Variants in KIRREL3 observed in about 807,000 individuals in gnomAD.
KIRREL3 encodes kirre like nephrin family adhesion molecule 3, also known as kin of IRRE-like protein 3.
KIRREL3 carries 36 observed loss-of-function variants against 89.7 expected under a neutral mutation model. The observed-to-expected ratio is 0.40, with a 90% CI of 0.31 to 0.53. KIRREL3 has a LOEUF of 0.53. KIRREL3 is among the 20% of genes least tolerant of loss of function. The pLI is 0.49. For synonymous variants in KIRREL3, 445 were observed against 441.4 expected, an observed-to-expected ratio of 1.01 and a Z score of -0.10; for missense variants, 864 against 1,056.6, an observed-to-expected ratio of 0.82 and a Z score of 2.53.
At chr11:126,838,523 G>T (rs1044149057) in intron 1 of KIRREL3, among the ~76,000 whole-genome samples, 1 of 152,204 alleles carries the variant, frequency 6.6e-6, no homozygotes, top group Non-Finnish European at 1.5e-5. Context: ...AATAGTTAAT[G>T]GGTAAGAGGG....
chr11:126,588,366 A>AT (rs1423085943), intron 1 of KIRREL3, among the ~76,000 whole-genome samples: 1 of 150,680 alleles, frequency 6.6e-6, no homozygotes, highest in African/African-American at 2.5e-5. Flanking sequence ...CTTAAATAGG[A>AT]TTTTTTTGCA....
intron 1 of KIRREL3, among the ~76,000 whole-genome samples, chr11:126,975,117 A>G (rs1415359896): frequency 6.6e-6 from 1 of 152,024 alleles, no homozygotes; most frequent in East Asian, 1.9e-4. Flanking sequence ...GCCTCAAAAC[A>G]CTATTATTAT....
intron 1 of KIRREL3, among the ~76,000 whole-genome samples, chr11:126,706,714 C>A (rs981779475): frequency 5.9e-5 from 9 of 152,108 alleles, no homozygotes; most frequent in African/African-American, 2.2e-4. Context: ...TCTTCAATAA[C>A]AATTGAAGTT....
At chr11:126,899,924 T>G (rs377198793) in intron 1 of KIRREL3, among the ~76,000 whole-genome samples, 1 of 152,294 alleles carries the variant, frequency 6.6e-6, no homozygotes, top group African/African-American at 2.4e-5. Flanking sequence ...ACACAGAACA[T>G]CTTCTTAGAG....
chr11:126,820,684 T>C (rs997505998), intron 1 of KIRREL3, among the ~76,000 whole-genome samples: 1 of 151,542 alleles, frequency 6.6e-6, no homozygotes, highest in Non-Finnish European at 1.5e-5. Flanking sequence ...TGGTGGGAGA[T>C]AGGACAAGGC....
intron 1 of KIRREL3, among the ~76,000 whole-genome samples, chr11:126,842,304 C>A (rs527779276): frequency 6.6e-6 from 1 of 151,752 alleles, no homozygotes; most frequent in Admixed American, 6.5e-5. Flanking sequence ...AACTTCTAAG[C>A]AATTTCTATG....
In KIRREL3 at chr11:126,748,360, C is replaced by G. The variant is rs767674721; in HGVS notation, c.56-185448G>C. Among the ~76,000 whole-genome samples the G allele has an allele frequency of 6.6e-6, 1 of 152,224 alleles. No homozygotes were observed. The highest frequency in any genetic ancestry group is 1.5e-5 in the Non-Finnish European group (1 of 68,036). On this transcript the variant is annotated intron_variant, in intron 1 of 16. Coordinates refer to ENST00000525144, the MANE Select transcript of KIRREL3 (RefSeq NM_032531.4). The surrounding 1 kb of genome is among the most constrained non-coding windows in gnomAD (Gnocchi z 4.6). ...AATGTTTTCTAGGTCACCGCCTGAT[C>G]AAGTCCCCACTTAAACAATAATCTT...
intron 1 of KIRREL3, among the ~76,000 whole-genome samples, chr11:126,760,525 G>A (rs975970658): frequency 2.0e-5 from 3 of 152,222 alleles, no homozygotes; most frequent in African/African-American, 7.2e-5. Context: ...AGAAGAGTCA[G>A]TCCCTGTTCT....
chr11:126,626,604 C>T (rs1157498924), intron 1 of KIRREL3, among the ~76,000 whole-genome samples: 1 of 152,168 alleles, frequency 6.6e-6, no homozygotes, highest in African/African-American at 2.4e-5. Flanking sequence ...TGACTACTGA[C>T]CAGCCAGTAT....
At position 126,636,616 on chromosome 11, in the gene KIRREL3, C is replaced by T. The variant is rs115634157; in HGVS notation, c.56-73704G>A. ...CCTTAGTCTCCTGTCTTTTCTTCTG[C>T]CCTCCTGGACCCAGCTTACTGCCTG... On this transcript the variant is annotated intron_variant, in intron 1 of 16. Coordinates refer to ENST00000525144, the MANE Select transcript of KIRREL3 (RefSeq NM_032531.4). The surrounding 1 kb of genome is among the most constrained non-coding windows in gnomAD (Gnocchi z 4.4). 8.5e-3 allele frequency among the ~76,000 whole-genome samples: 1,289 copies of T among 152,324 alleles called. 4 individuals are homozygous for T. Among genetic ancestry groups the T allele is most frequent in the African/African-American group, 0.017 (714 of 41,568 alleles).
intron 1 of KIRREL3, among the ~76,000 whole-genome samples, chr11:126,813,222 C>T (rs1282510943): frequency 6.6e-6 from 1 of 152,162 alleles, no homozygotes; most frequent in African/African-American, 2.4e-5. Context: ...ACTTGGGAGG[C>T]ATGAAGATGA....
intron 5 of KIRREL3, among the ~76,000 whole-genome samples, chr11:126,469,556 C>T (rs896039831): frequency 6.6e-6 from 1 of 152,220 alleles, no homozygotes; most frequent in African/African-American, 2.4e-5. Flanking sequence ...TGGGTATACT[C>T]CACATCACAG....
chr11:126,899,621 A>G (rs972633037), intron 1 of KIRREL3, among the ~76,000 whole-genome samples: 4 of 152,220 alleles, frequency 2.6e-5, no homozygotes, highest in Non-Finnish European at 4.4e-5. Context: ...ATTGTCACCA[A>G]TTGGCATATC....
chr11:126,831,558 T>G (rs149157308), intron 1 of KIRREL3, among the ~76,000 whole-genome samples: 473 of 152,268 alleles, frequency 3.1e-3, no homozygotes, highest in South Asian at 5.0e-3. Flanking sequence ...TAGGTACATT[T>G]AATTCTAAGA....
intron 12 of KIRREL3, 94 bp from the exon 13 acceptor site, chr11:126,435,397 G>A: frequency 1.6e-6 from 2 of 1,276,882 alleles, no homozygotes; most frequent in Non-Finnish European, 2.3e-6. Flanking sequence ...GGCTGGGTGA[G>A]GGGCTCCTTT....
In KIRREL3 at chr11:126,918,473, G is replaced by T. The variant is rs1947129976; in HGVS notation, c.55+81982C>A. Among the ~76,000 whole-genome samples, 1 of 152,214 alleles carries T rather than the reference G, an allele frequency of 6.6e-6. No individual in the cohort carries two copies. Among genetic ancestry groups the T allele is most frequent in the Non-Finnish European group, 1.5e-5 (1 of 68,048 alleles). The stretch of plus-strand genomic sequence containing the variant: ...GCTTGTTCCTCTGACAGGGTGATAA[G>T]CAAGCTTGTGGTGGAGGGCAGTTAC... On this transcript the variant is annotated intron_variant, in intron 1 of 16. Coordinates refer to ENST00000525144, the MANE Select transcript of KIRREL3 (RefSeq NM_032531.4). This position sits in a 1 kb window ranked among gnomAD's most constrained non-coding sequence, Gnocchi z 6.5.
In KIRREL3 at chr11:126,609,438, A is replaced by G. The variant is rs1943029590; in HGVS notation, c.56-46526T>C. On this transcript the variant is annotated intron_variant, in intron 1 of 16. Transcript: ENST00000525144. This position sits in a 1 kb window ranked among gnomAD's most constrained non-coding sequence, Gnocchi z 5.0. Reference sequence around the variant, plus strand: ...ACCAGAGTTATTCCTGCCTCGGGACATGTATGAGGACGGTCTCCTTTGCAG... The same window carrying G: ...ACCAGAGTTATTCCTGCCTCGGGACGTGTATGAGGACGGTCTCCTTTGCAG... 1.3e-5 allele frequency among the ~76,000 whole-genome samples: 2 copies of G among 152,174 alleles called. No individual in the cohort carries two copies. Among genetic ancestry groups the G allele is most frequent in the African/African-American group, 2.4e-5 (1 of 41,430 alleles).
At position 126,429,340 on chromosome 11, in the gene KIRREL3, G is replaced by C. The variant is rs1412790891; in HGVS notation, c.1697-52C>G. On this transcript the variant is annotated intron_variant, in intron 14 of 16. Coordinates refer to ENST00000525144, the MANE Select transcript of KIRREL3 (RefSeq NM_032531.4). The surrounding 1 kb of genome is among the most constrained non-coding windows in gnomAD (Gnocchi z 5.2). ...TGATAGATTTAGTTCTTACCTTTGA[G>C]ATGTCAAGCTCCCTTGCAGTCCCCT... The C allele has an allele frequency of 2.1e-5, 28 of 1,331,484 alleles. No homozygotes were observed. Among genetic ancestry groups the C allele is most frequent in the Non-Finnish European group, 2.8e-5 (26 of 928,756 alleles). The allele number at this position is 1,331,484 out of a possible 1,614,324, so 82.5% of individuals were successfully genotyped here.
intron 1 of KIRREL3, among the ~76,000 whole-genome samples, chr11:126,580,411 C>A (rs994349295): frequency 6.6e-6 from 1 of 152,110 alleles, no homozygotes; most frequent in Non-Finnish European, 1.5e-5. Flanking sequence ...AACCGGACAG[C>A]AGGAGGACAT....
Sources: allele counts gnomAD v4.1 joint callset (sites outside exome capture counted in the v4.1 genomes callset), GRCh38; gene constraint gnomAD v4.1.1; non-coding constraint Gnocchi (gnomAD v3.1); transcripts MANE v1.5; gene names NCBI Gene and HGNC (gene_info 2026-07-23, HGNC 2026-07-21).